The following MRPL3 variants were observed in gnomAD, a reference collection of about 807,000 sequenced individuals.
The protein encoded by MRPL3 is mitochondrial ribosomal protein L3.
MRPL3 carries 43 observed loss-of-function variants against 44.3 expected under a neutral mutation model. That is an observed-to-expected ratio of 0.97 (90% CI 0.76 to 1.25). MRPL3 has a LOEUF of 1.25. Ranked by LOEUF, MRPL3 falls within the 50% of genes most tolerant of loss-of-function variation. The pLI is 0.00. For synonymous variants in MRPL3, 171 were observed against 152.3 expected (o/e 1.12, Z -0.91); for missense variants, 406 against 427.6 (o/e 0.95, Z 0.45).
chr3:131,495,171 T>C (rs999393960), intron 4 of MRPL3, among the ~76,000 whole-genome samples: 4 of 152,210 alleles, frequency 2.6e-5, no homozygotes, highest in Non-Finnish European at 2.9e-5. Context: ...TGTTTAGATA[T>C]ATGAAATTTT....
chr3:131,476,754 C>A (rs1013196567), intron 6 of MRPL3, among the ~76,000 whole-genome samples: 1 of 152,168 alleles, frequency 6.6e-6, no homozygotes, highest in Admixed American at 6.5e-5. Flanking sequence ...TCCATTTCCC[C>A]TCAGTACACT....
chr3:131,502,095 C>T (rs187227214), intron 1 of MRPL3, among the ~76,000 whole-genome samples: 249 of 152,276 alleles, frequency 1.6e-3, no homozygotes, highest in Non-Finnish European at 2.5e-3. Context: ...AAGCTCACCT[C>T]CTCCCTGCAA....
intron 7 of MRPL3, 31 bp downstream of exon 7, chr3:131,471,140 C>T (rs1933733491): frequency 2.1e-6 from 3 of 1,420,514 alleles, no homozygotes; most frequent in South Asian, 1.1e-5. Flanking sequence ...GAATATTTAG[C>T]ATTAAAAAGA....
At position 131,466,328 on chromosome 3, in the gene MRPL3, C is replaced by G. The variant is rs191611648; in HGVS notation, c.894+1763G>C. On this transcript the variant is annotated intron_variant, in intron 9 of 9. Transcript: ENST00000264995. ...AGAGTATACTCTGGAGAACAGCTGACATAACTTCTAATACAAACTTATTTT... is the reference window on the plus strand; with the variant it reads ...AGAGTATACTCTGGAGAACAGCTGAGATAACTTCTAATACAAACTTATTTT... Among the ~76,000 whole-genome samples, 909 of 152,142 alleles carry G rather than the reference C, an allele frequency of 6.0e-3. 9 individuals are homozygous for G. Among genetic ancestry groups the G allele is most frequent in the African/African-American group, 0.02 (830 of 41,538 alleles).
chr3:131,501,614 A>C lies in MRPL3; in HGVS notation c.194T>G (p.Val65Gly). Residue 65 changes from valine (V) to glycine (G), a missense_variant, in exon 2 of 10, where the codon GTC becomes GGC. Physicochemically the swap from Val to Gly is moderately radical, Grantham distance 109. Transcript: ENST00000264995. Reference protein sequence around the residue: ...EENVPFIKQLVSDEDKAQLAS... With the variant: ...EENVPFIKQLGSDEDKAQLAS... ...TAATTGGGCTTTATCTTCATCAGAGACCAACTGCTTAATGAATGGGACATT... is the reference window on the plus strand; with the variant it reads ...TAATTGGGCTTTATCTTCATCAGAGCCCAACTGCTTAATGAATGGGACATT... 6.2e-7 allele frequency: 1 copy of C among 1,612,684 alleles called. No individual in the cohort carries two copies. Among genetic ancestry groups the C allele is most frequent in the Non-Finnish European group, 8.5e-7 (1 of 1,179,934 alleles).
intron 4 of MRPL3, among the ~76,000 whole-genome samples, chr3:131,491,278 C>T (rs1229955269): frequency 2.0e-5 from 3 of 152,134 alleles, no homozygotes; most frequent in African/African-American, 7.2e-5. Flanking sequence ...GTCAACCACA[C>T]TGGTTGATAC....
At chr3:131,497,111 T>C (rs1934385852) in intron 4 of MRPL3, among the ~76,000 whole-genome samples, 1 of 152,214 alleles carries the variant, frequency 6.6e-6, no homozygotes, top group East Asian at 1.9e-4. Context: ...GCTCCTTGGA[T>C]TTATAATATT....
intron 3 of MRPL3, 56 bp downstream of exon 3, chr3:131,500,374 C>T: frequency 7.1e-7 from 1 of 1,413,698 alleles, no homozygotes; most frequent in Non-Finnish European, 1.0e-6. Flanking sequence ...TTAAGGTTTG[C>T]ACAAACAGAT....
intron 7 of MRPL3, among the ~76,000 whole-genome samples, chr3:131,470,617 G>GAC (rs370195418): frequency 0.099 from 14,972 of 150,938 alleles, 1,493 homozygotes; most frequent in African/African-American, 0.26. Flanking sequence ...ACAGAACTAA[G>GAC]ACACACACAC....
chr3:131,463,871 G>A (rs978479986), intron 9 of MRPL3, among the ~76,000 whole-genome samples: 5 of 152,046 alleles, frequency 3.3e-5, no homozygotes, highest in African/African-American at 1.2e-4. Flanking sequence ...AAAATTACAT[G>A]TAATTATATA....
chr3:131,501,807 A>T, intron 1 of MRPL3, 92 bp from the exon 2 acceptor site: 1 of 1,599,206 alleles, frequency 6.3e-7, no homozygotes, highest in African/African-American at 1.3e-5. Flanking sequence ...TGGAAAGTGT[A>T]GTCAGGGCCT....
At chr3:131,471,377 G>T in intron 6 of MRPL3, 98 bp from the exon 7 acceptor site, 1 of 797,608 alleles carries the variant, frequency 1.3e-6, no homozygotes, top group Middle Eastern at 2.3e-4. Context: ...TCTTGTTAGA[G>T]TTTTAACAAA....
chr3:131,466,006 A>T (rs1289580882), intron 9 of MRPL3, among the ~76,000 whole-genome samples: 2 of 150,288 alleles, frequency 1.3e-5, no homozygotes, highest in Non-Finnish European at 2.9e-5. Flanking sequence ...ACGTGATCCT[A>T]TCCTCCCACT....
chr3:131,490,033 C>T lies in MRPL3; in HGVS notation c.516G>A (p.Pro172=), dbSNP rs765556142. Reference sequence around the variant, plus strand: ...TATTAAAGATTTTAACTGTCTGTTTCGGCGGCAATCCAAGTTCCCGGTAAA... The same window carrying T: ...TATTAAAGATTTTAACTGTCTGTTTTGGCGGCAATCCAAGTTCCCGGTAAA... ...LEFYRELGLP[P]KQTVKIFNIT... Residue 172 remains proline, a synonymous_variant, in exon 5 of 10, where the codon CCG becomes CCA. Transcript: ENST00000264995. 23 of 1,612,002 alleles carry T rather than the reference C, an allele frequency of 1.4e-5. No individual in the cohort carries two copies. The highest frequency in any genetic ancestry group is 3.3e-5 in the South Asian group (3 of 91,004).
intron 4 of MRPL3, among the ~76,000 whole-genome samples, chr3:131,494,154 T>C (rs771612451): frequency 9.2e-5 from 14 of 152,238 alleles, no homozygotes; most frequent in Non-Finnish European, 1.3e-4. Flanking sequence ...CAAGAAGCTC[T>C]ACTTTGATGT....
At chr3:131,499,709 A>T (rs928572080) in intron 3 of MRPL3, among the ~76,000 whole-genome samples, 1 of 151,878 alleles carries the variant, frequency 6.6e-6, no homozygotes, top group Non-Finnish European at 1.5e-5. Flanking sequence ...GGGAGTGATG[A>T]TCTCTTACCA....
rs375835346 is a variant in MRPL3, at chr3:131,485,793, AC to A, written c.629+1886del. 1.6e-3 allele frequency among the ~76,000 whole-genome samples: 245 copies of A among 152,320 alleles called. 1 individual carries two copies. The highest frequency in any genetic ancestry group is 5.4e-3 in the African/African-American group (223 of 41,570). On this transcript the variant is annotated intron_variant, in intron 6 of 9. Coordinates refer to ENST00000264995, the MANE Select transcript of MRPL3 (RefSeq NM_007208.4). ...GCTTTTGCAATGACCTATATTTGAA[AC>A]TAGGAAGAATGCATCTTAACCATGT...
intron 5 of MRPL3, among the ~76,000 whole-genome samples, chr3:131,489,647 G>C (rs888958655): frequency 1.3e-5 from 2 of 152,000 alleles, no homozygotes; most frequent in African/African-American, 4.8e-5. Context: ...TTCTACCTAA[G>C]CAAGAGCCTG....
At chr3:131,467,240 G>GCACA (rs10522470) in intron 9 of MRPL3, among the ~76,000 whole-genome samples, 2 of 150,910 alleles carry the variant, frequency 1.3e-5, no homozygotes, top group African/African-American at 4.9e-5. Context: ...CCATACGCGC[G>GCACA]CACACACACA....
Sources: gnomAD v4.1 joint callset for allele counts (sites outside exome capture counted in the v4.1 genomes callset) on GRCh38, gnomAD v4.1.1 for gene constraint, MANE v1.5 for transcripts, NCBI Gene and HGNC (gene_info 2026-07-23, HGNC 2026-07-21) for gene names.